The following TMPRSS15 variants were observed in gnomAD, a reference collection of about 807,000 sequenced individuals.
TMPRSS15 encodes enteropeptidase.
In TMPRSS15, 128 loss-of-function variants were observed where a neutral mutation model predicts 125.3. That is an observed-to-expected ratio of 1.02 (90% confidence interval 0.89 to 1.18). The LOEUF is 1.18. TMPRSS15 is among the 50% of genes most tolerant of loss of function. TMPRSS15 has a pLI of 0.00. For synonymous variants in TMPRSS15, 446 were observed against 423.2 expected, an observed-to-expected ratio of 1.05 and a Z score of -0.66; for missense variants, 1,283 against 1,212.7, an observed-to-expected ratio of 1.06 and a Z score of -0.86.
chr21:18,423,335 G>C (rs1227901078), intron 1 of TMPRSS15, among the ~76,000 whole-genome samples: 1 of 151,792 alleles, frequency 6.6e-6, no homozygotes, highest in Non-Finnish European at 1.5e-5. Flanking sequence ...CTGATCCTCT[G>C]ACCATACCCT....
chr21:18,481,985 GTAA>G (rs1296052658), intron 1 of TMPRSS15, among the ~76,000 whole-genome samples: 1 of 151,590 alleles, frequency 6.6e-6, no homozygotes, highest in African/African-American at 2.4e-5. Flanking sequence ...TGACTGAATA[GTAA>G]TAATTTTTGT....
At chr21:18,362,070 T>C (rs1333173838) in intron 7 of TMPRSS15, among the ~76,000 whole-genome samples, 3 of 152,068 alleles carry the variant, frequency 2.0e-5, no homozygotes, top group Non-Finnish European at 4.4e-5. Flanking sequence ...TCATGGCTAC[T>C]CTAAGACATG....
intron 1 of TMPRSS15, among the ~76,000 whole-genome samples, chr21:18,452,003 A>C (rs967614128): frequency 5.3e-5 from 8 of 150,700 alleles, no homozygotes; most frequent in African/African-American, 2.0e-4. Flanking sequence ...GATGTGGTTC[A>C]ATTCAAAAAA....
At chr21:18,315,282 T>C in intron 16 of TMPRSS15, 26 bp from the exon 17 acceptor site, 1 of 1,574,332 alleles carries the variant, frequency 6.4e-7, no homozygotes, top group African/African-American at 1.3e-5. Context: ...GTTTATTGTA[T>C]AGGATAAAGA....
chr21:18,294,891 G>C (rs1471272997), intron 19 of TMPRSS15, among the ~76,000 whole-genome samples: 1 of 152,132 alleles, frequency 6.6e-6, no homozygotes, highest in East Asian at 1.9e-4. Context: ...CAATATCCCT[G>C]AGACCCAGTT....
rs927529783 is a variant in TMPRSS15, at chr21:18,343,847, G to T, written c.1277+108C>A. 5.0e-6 allele frequency: 6 copies of T among 1,191,334 alleles called. No homozygotes were observed. In the African/African-American group the frequency reaches 7.6e-5, roughly 15 times the overall value. 73.8% of individuals were successfully genotyped at this position (1,191,334 alleles called of 1,614,324 possible). A position where few individuals can be genotyped will look rare whatever the true frequency, so the allele number is the denominator to read the frequency against. On this transcript the variant is annotated intron_variant, in intron 11 of 24. Transcript: ENST00000284885. ...TCAGTTGGGAAAAGTAATAGTATAT[G>T]CATTAAAACTTTAGCCAACATCTTA... is the stretch of plus-strand genomic sequence containing the variant.
intron 1 of TMPRSS15, among the ~76,000 whole-genome samples, chr21:18,409,161 T>C (rs929836516): frequency 1.3e-5 from 2 of 152,094 alleles, no homozygotes; most frequent in Non-Finnish European, 2.9e-5. Context: ...TAGTGTGTTT[T>C]TTTTTCTGCC....
chr21:18,359,999 T>C, intron 7 of TMPRSS15, 136 bp from the exon 8 acceptor site: 1 of 559,592 alleles, frequency 1.8e-6, no homozygotes, highest in Non-Finnish European at 3.3e-6. Context: ...TTTTTAAGTG[T>C]ACAGTGCAGT....
chr21:18,331,195 G>A (rs1047748576), intron 14 of TMPRSS15, among the ~76,000 whole-genome samples: 2 of 151,818 alleles, frequency 1.3e-5, no homozygotes, highest in African/African-American at 4.8e-5. Flanking sequence ...CTACAATATT[G>A]GCCCTATATG....
At chr21:18,271,130 T>C (rs1008906354) in intron 24 of TMPRSS15, among the ~76,000 whole-genome samples, 33 of 152,254 alleles carry the variant, frequency 2.2e-4, no homozygotes, top group Middle Eastern at 3.4e-3. Flanking sequence ...CTGGCGACCA[T>C]AGGTTACCAA....
At chr21:18,334,891 G>A (rs2075377142) in intron 13 of TMPRSS15, among the ~76,000 whole-genome samples, 1 of 152,132 alleles carries the variant, frequency 6.6e-6, no homozygotes, top group African/African-American at 2.4e-5. Context: ...AAAAAAGGAG[G>A]GCAGTGGATG....
chr21:18,470,631 G>C (rs1388828100), intron 1 of TMPRSS15, among the ~76,000 whole-genome samples: 4 of 152,008 alleles, frequency 2.6e-5, no homozygotes, highest in African/African-American at 7.2e-5. Flanking sequence ...TCTCAGTTGA[G>C]TTGCACAGAC....
intron 3 of TMPRSS15, among the ~76,000 whole-genome samples, chr21:18,389,870 G>A (rs2075976539): frequency 1.3e-5 from 2 of 152,096 alleles, no homozygotes; most frequent in Non-Finnish European, 2.9e-5. Flanking sequence ...TGATTCAGTT[G>A]TTCCTTACCT....
intron 1 of TMPRSS15, among the ~76,000 whole-genome samples, chr21:18,472,299 C>T (rs921348132): frequency 7.3e-5 from 11 of 151,702 alleles, no homozygotes; most frequent in African/African-American, 2.7e-4. Context: ...CATGTCATAC[C>T]TTAACCAAAC....
chr21:18,396,364 A>C (rs1378068721), intron 3 of TMPRSS15, among the ~76,000 whole-genome samples: 1 of 152,008 alleles, frequency 6.6e-6, no homozygotes, highest in Non-Finnish European at 1.5e-5. Flanking sequence ...ACATTCCCCA[A>C]CACCTACTAG....
At chr21:18,447,439 C>CAA (rs57558994) in intron 1 of TMPRSS15, among the ~76,000 whole-genome samples, 10,439 of 87,958 alleles carry the variant, frequency 0.12, 1,139 homozygotes, top group African/African-American at 0.22. Context: ...GACTTCAACT[C>CAA]AAAAAAAAAA....
At chr21:18,301,268 G>A (rs1287364093) in intron 18 of TMPRSS15, among the ~76,000 whole-genome samples, 3 of 152,168 alleles carry the variant, frequency 2.0e-5, no homozygotes, top group Admixed American at 2.0e-4. Context: ...ATCCTGTCAA[G>A]TCAAACTCAT....
At chr21:18,332,307 G>A (rs1406039745) in intron 13 of TMPRSS15, 134 bp from the exon 14 acceptor site, 3 of 759,760 alleles carry the variant, frequency 3.9e-6, no homozygotes, top group Non-Finnish European at 6.9e-6. Flanking sequence ...AGTCATGTTA[G>A]GGTAAATGCT....
intron 21 of TMPRSS15, among the ~76,000 whole-genome samples, chr21:18,284,714 G>A (rs958888558): frequency 2.0e-5 from 3 of 152,160 alleles, no homozygotes; most frequent in Non-Finnish European, 4.4e-5. Context: ...GATAAAGATC[G>A]CAAAGATAGG....
Sources: allele counts gnomAD v4.1 joint callset (sites outside exome capture counted in the v4.1 genomes callset), GRCh38; gene constraint gnomAD v4.1.1; transcripts MANE v1.5; gene names NCBI Gene and HGNC (gene_info 2026-07-23, HGNC 2026-07-21).